The following RYR3 variants were observed in gnomAD, a reference collection of about 807,000 sequenced individuals.
The protein encoded by RYR3 is ryanodine receptor 3, also known as brain ryanodine receptor-calcium release channel.
Under a neutral mutation model 584.3 loss-of-function variants are expected in RYR3, and 207 were observed. The observed-to-expected ratio is 0.35, with a 90% CI of 0.32 to 0.40. The LOEUF is 0.40. Among genes scored for constraint, RYR3 ranks in the 10% least tolerant of loss-of-function variants. RYR3 has a pLI of 1.00. For synonymous variants in RYR3, 2,416 were observed against 2,248.5 expected (o/e 1.07, Z -2.11); for missense variants, 5,616 against 6,089.2 (o/e 0.92, Z 2.59).
intron 92 of RYR3, 59 bp downstream of exon 92, chr15:33,843,633 T>C: frequency 8.9e-7 from 1 of 1,119,114 alleles, no homozygotes; most frequent in African/African-American, 1.5e-5. Context: ...ATGCTATGTG[T>C]AGAAAAAGAA....
chr15:33,837,606 A>G (rs768023997), intron 88 of RYR3, 25 bp from the exon 89 acceptor site: 1 of 1,536,140 alleles, frequency 6.5e-7, no homozygotes, highest in South Asian at 1.3e-5. Flanking sequence ...GTATATTTGT[A>G]TGTCTTTTTG....
chr15:33,561,295 CTG>C (rs2152481550), intron 10 of RYR3, among the ~76,000 whole-genome samples: 1 of 152,244 alleles, frequency 6.6e-6, no homozygotes, highest in East Asian at 1.9e-4. Flanking sequence ...AGCAATTAGA[CTG>C]TGCTGGGGAA....
chr15:33,756,187 T>C (rs1000943095), intron 58 of RYR3, 119 bp from the exon 59 acceptor site: 1 of 730,260 alleles, frequency 1.4e-6, no homozygotes, highest in African/African-American at 1.8e-5. Context: ...AAGATATATT[T>C]TGTGAAATCA....
intron 12 of RYR3, among the ~76,000 whole-genome samples, chr15:33,567,334 C>A (rs1328939586): frequency 6.6e-6 from 1 of 152,206 alleles, no homozygotes; most frequent in African/African-American, 2.4e-5. Flanking sequence ...AAACAGAACT[C>A]TGTGAATTGT....
At chr15:33,797,957 G>C (rs1316529804) in intron 67 of RYR3, among the ~76,000 whole-genome samples, 1 of 152,222 alleles carries the variant, frequency 6.6e-6, no homozygotes, top group African/African-American at 2.4e-5. Flanking sequence ...GCTAGTAGTG[G>C]AGAATTGGCT....
In RYR3 at chr15:33,398,893, A is replaced by C. The variant is rs866148362; in HGVS notation, c.52-74526A>C. Among the ~76,000 whole-genome samples, 3 of 152,154 alleles carry C rather than the reference A, an allele frequency of 2.0e-5. No homozygotes were observed. In the South Asian group the frequency reaches 6.2e-4, roughly 32 times the overall value. Reference sequence around the variant, plus strand: ...GCCTGGGTACCTGGGTGCGGGGTGCACCTGCCAGGTGTCATCTCACAGGGC... The same window carrying C: ...GCCTGGGTACCTGGGTGCGGGGTGCCCCTGCCAGGTGTCATCTCACAGGGC... On this transcript the variant is annotated intron_variant, in intron 1 of 103. Transcript: ENST00000634891.
In RYR3 at chr15:33,726,484, G is replaced by A. The variant is rs1260596539; in HGVS notation, c.7011G>A (p.Leu2337=). The part of the protein sequence containing the change: ...EDLVGIISIP[L]KLPSLNKDGS... ...TGGTTGGGATCATCAGCATCCCCTTGAAACTGCCCTCCCTCAACAAAGGTA... is the reference window on the plus strand; with the variant it reads ...TGGTTGGGATCATCAGCATCCCCTTAAAACTGCCCTCCCTCAACAAAGGTA... Residue 2337 remains leucine, a synonymous_variant, in exon 46 of 104, where the codon TTG becomes TTA. Transcript: ENST00000634891. 6.2e-7 allele frequency: 1 copy of A among 1,601,060 alleles called. No individual in the cohort carries two copies. Among genetic ancestry groups the A allele is most frequent in the Non-Finnish European group, 8.5e-7 (1 of 1,173,590 alleles).
intron 1 of RYR3, among the ~76,000 whole-genome samples, chr15:33,344,777 A>G (rs969418333): frequency 1.3e-5 from 2 of 152,214 alleles, no homozygotes; most frequent in Non-Finnish European, 2.9e-5. Context: ...TTCAGCCACT[A>G]CAAAGCTCAA....
chr15:33,775,231 C>T (rs142277882), intron 64 of RYR3, among the ~76,000 whole-genome samples: 1,539 of 152,136 alleles, frequency 0.01, 29 homozygotes, highest in African/African-American at 0.035. Context: ...TAAGGCTGTC[C>T]CTATTGCTTT....
chr15:33,768,266 A>C (rs2073268730), intron 60 of RYR3, among the ~76,000 whole-genome samples: 1 of 152,236 alleles, frequency 6.6e-6, no homozygotes, highest in Admixed American at 6.5e-5. Flanking sequence ...ATGGTTTGCA[A>C]TCCATTGCAA....
chr15:33,515,890 G>A (rs961675732), intron 3 of RYR3, among the ~76,000 whole-genome samples: 1 of 152,046 alleles, frequency 6.6e-6, no homozygotes, highest in South Asian at 2.1e-4. Context: ...AGTATTTTGC[G>A]TATGTGTGTG....
At chr15:33,420,226 G>T (rs2044141643) in intron 1 of RYR3, among the ~76,000 whole-genome samples, 1 of 152,144 alleles carries the variant, frequency 6.6e-6, no homozygotes, top group Non-Finnish European at 1.5e-5. Flanking sequence ...AAATGGATGT[G>T]TTGGGCATCC....
chr15:33,447,440 A>T (rs1384657975), intron 1 of RYR3, among the ~76,000 whole-genome samples: 3 of 151,870 alleles, frequency 2.0e-5, no homozygotes, highest in Admixed American at 1.3e-4. Flanking sequence ...TTCCTTCCCC[A>T]CCCCATGCCC....
chr15:33,411,314 C>T (rs565131997), intron 1 of RYR3, among the ~76,000 whole-genome samples: 1 of 152,324 alleles, frequency 6.6e-6, no homozygotes, highest in Admixed American at 6.5e-5. Flanking sequence ...CCTCAGCCAT[C>T]ACTGACGTCT....
chr15:33,584,453 G>A lies in RYR3; in HGVS notation c.1632G>A (p.Trp544Ter). 1 of 1,604,054 alleles carries A rather than the reference G, an allele frequency of 6.2e-7. No individual in the cohort carries two copies. The highest frequency in any genetic ancestry group is 8.5e-7 in the Non-Finnish European group (1 of 1,171,968). ...NCAQFSNNLD[W>*]LISKLDRLES... Reference sequence around the variant, plus strand: ...CTCAATTCTCCAATAACCTTGATTGGCTCATCAGTAAATTGGACAGACTAG... The same window carrying A: ...CTCAATTCTCCAATAACCTTGATTGACTCATCAGTAAATTGGACAGACTAG... The change falls in exon 15 of 104, where the codon TGG (tryptophan) becomes TGA (stop). Residue 544 changes from tryptophan to a stop codon, truncating the protein, a stop_gained. Coordinates refer to ENST00000634891, the MANE Select transcript of RYR3 (RefSeq NM_001036.6). LOFTEE classifies it high-confidence loss of function.
At chr15:33,589,751 T>C (rs745321508) in intron 16 of RYR3, among the ~76,000 whole-genome samples, 2 of 152,256 alleles carry the variant, frequency 1.3e-5, no homozygotes, top group East Asian at 1.9e-4. Flanking sequence ...TTGTTGACTT[T>C]GTCAGAAATC....
At chr15:33,608,271 T>C (rs2060004715) in intron 18 of RYR3, among the ~76,000 whole-genome samples, 1 of 152,202 alleles carries the variant, frequency 6.6e-6, no homozygotes. Flanking sequence ...TCCTGTGTGA[T>C]TCCAAGGCCC....
chr15:33,806,949 C>A (rs2076245232), intron 69 of RYR3, among the ~76,000 whole-genome samples: 1 of 146,946 alleles, frequency 6.8e-6, no homozygotes, highest in Non-Finnish European at 1.5e-5. Flanking sequence ...AAGACAGTGG[C>A]TATGTTGCTC....
intron 1 of RYR3, among the ~76,000 whole-genome samples, chr15:33,406,035 G>A (rs911183884): frequency 1.3e-5 from 2 of 152,164 alleles, no homozygotes; most frequent in Non-Finnish European, 2.9e-5. Flanking sequence ...GCCTACCCTT[G>A]AACCAAGCAG....
Sources: allele counts gnomAD v4.1 joint callset (sites outside exome capture counted in the v4.1 genomes callset), GRCh38; gene constraint gnomAD v4.1.1; transcripts MANE v1.5; gene names NCBI Gene and HGNC (gene_info 2026-07-23, HGNC 2026-07-21).